DOCK8: variants seen among roughly 807,000 people sequenced by gnomAD.
The protein encoded by DOCK8 is dedicator of cytokinesis 8, also known as dedicator of cytokinesis protein 8.
A neutral mutation model predicts 245.6 loss-of-function variants in DOCK8; 141 were observed. That is an observed-to-expected ratio of 0.57 (90% CI 0.50 to 0.66). The LOEUF (loss-of-function observed/expected upper bound fraction) is 0.66. DOCK8 is among the 30% of genes least tolerant of loss of function. The pLI is 0.00. For synonymous variants in DOCK8, 1,168 were observed against 970.2 expected (o/e 1.20, Z -3.79); for missense variants, 2,965 against 2,603.4 (o/e 1.14, Z -3.02).
chr9:328,041 G>A lies in DOCK8; in HGVS notation c.914G>A (p.Cys305Tyr), dbSNP rs778114411. 7.4e-6 allele frequency: 12 copies of A among 1,614,020 alleles called. No individual in the cohort carries two copies. Among genetic ancestry groups the A allele is most frequent in the Non-Finnish European group, 8.5e-6 (10 of 1,180,008 alleles). The change falls in exon 9 of 48, where the codon TGT (cysteine) becomes TAT (tyrosine). Residue 305 changes from cysteine (C) to tyrosine (Y), a missense_variant. Cys to Tyr is a radical substitution (Grantham distance 194, BLOSUM62 -2). Coordinates refer to ENST00000432829, the MANE Select transcript of DOCK8 (RefSeq NM_203447.4). ...ERKKISENFH[C>Y]DLNSDQFKGF... ...TTACAGATCTCAGAAAATTTTCACT[G>A]TGACCTGAACTCTGACCAGTTCAAA...
intron 2 of DOCK8, among the ~76,000 whole-genome samples, chr9:278,651 A>G (rs1220495566): frequency 1.3e-5 from 2 of 152,264 alleles, no homozygotes; most frequent in East Asian, 1.9e-4. Context: ...CTTGGGCAGA[A>G]TTCTGAATGA....
chr9:416,076 T>C (rs1272160531), intron 29 of DOCK8, among the ~76,000 whole-genome samples: 5 of 152,236 alleles, frequency 3.3e-5, no homozygotes, highest in Non-Finnish European at 7.4e-5. Flanking sequence ...AGCAAACTGC[T>C]AATGGAGTAA....
chr9:281,311 G>A (rs563412175), intron 2 of DOCK8, among the ~76,000 whole-genome samples: 8 of 152,028 alleles, frequency 5.3e-5, no homozygotes, highest in Non-Finnish European at 8.8e-5. Context: ...TACATATAAC[G>A]AATGATATGC....
At chr9:383,471 G>A (rs995178450) in intron 22 of DOCK8, among the ~76,000 whole-genome samples, 1 of 152,180 alleles carries the variant, frequency 6.6e-6, no homozygotes, top group Non-Finnish European at 1.5e-5. Flanking sequence ...GGCAGAGGTT[G>A]CAGTGAGCCA....
At chr9:447,653 A>G in intron 44 of DOCK8, among the ~76,000 whole-genome samples, 1 of 152,206 alleles carries the variant, frequency 6.6e-6, no homozygotes, top group East Asian at 1.9e-4. Flanking sequence ...CCCATGGTTC[A>G]TCAGTTTCTC....
Position 271,612 on chromosome 9 carries a change from C to G in DOCK8, c.54-15C>G, listed in dbSNP as rs1428271285. The G allele has an allele frequency of 1.3e-6, 2 of 1,496,514 alleles. No individual in the cohort carries two copies. Among genetic ancestry groups the G allele is most frequent in the Non-Finnish European group, 1.8e-6 (2 of 1,098,804 alleles). The allele number at this position is 1,496,514 out of a possible 1,614,324, so 92.7% of individuals were successfully genotyped here. A position where few individuals can be genotyped will look rare whatever the true frequency, so the allele number is the denominator to read the frequency against. On this transcript the variant is annotated splice_polypyrimidine_tract_variant and intron_variant, in intron 1 of 47. Transcript: ENST00000432829. The stretch of plus-strand genomic sequence containing the variant: ...AAATAATCATTTCATTTAGATTTTT[C>G]TATTTTAATCCAAGGTATTCTTCAG...
intron 5 of DOCK8, among the ~76,000 whole-genome samples, chr9:307,000 G>A (rs115310446): frequency 0.014 from 2,180 of 152,264 alleles, 62 homozygotes; most frequent in African/African-American, 0.051. Context: ...CTTCAAGGAG[G>A]TAAGATAAGG....
chr9:336,845 T>G, intron 12 of DOCK8, 127 bp downstream of exon 12: 1 of 1,133,430 alleles, frequency 8.8e-7, no homozygotes, highest in Non-Finnish European at 1.3e-6. Flanking sequence ...TAGTTCATTT[T>G]CTGCTGCTTA....
chr9:339,319 C>T (rs1219239238), intron 13 of DOCK8, among the ~76,000 whole-genome samples: 2 of 152,108 alleles, frequency 1.3e-5, no homozygotes, highest in Non-Finnish European at 2.9e-5. Flanking sequence ...AAACCTTGTG[C>T]TTTAGATCTG....
chr9:420,177 C>T, intron 30 of DOCK8: 1 of 595,266 alleles, frequency 1.7e-6, no homozygotes, highest in Non-Finnish European at 3.0e-6. Flanking sequence ...AAATACTGCC[C>T]CAGGTGAGCC....
intron 14 of DOCK8, among the ~76,000 whole-genome samples, chr9:358,297 C>T (rs1047596822): frequency 1.3e-5 from 2 of 152,086 alleles, no homozygotes; most frequent in Non-Finnish European, 1.5e-5. Flanking sequence ...CTATGTTCCC[C>T]AGGCTAGGCT....
chr9:369,916 C>T, intron 15 of DOCK8: 3 of 368,390 alleles, frequency 8.1e-6, no homozygotes, highest in East Asian at 6.2e-5. Flanking sequence ...ATCCTCTTGC[C>T]TCCGCCCCCT....
chr9:403,966 ATATATATATGTGTATATATATATATGTG>A (rs2055284476), intron 26 of DOCK8, among the ~76,000 whole-genome samples: 2 of 72,736 alleles, frequency 2.7e-5, no homozygotes, highest in African/African-American at 1.0e-4. Flanking sequence ...ATATGTATAT[ATATATATATGTGTATATATATATATGTG>A]TATATATATA....
chr9:375,643 C>T (rs1206336032), intron 18 of DOCK8, among the ~76,000 whole-genome samples: 1 of 152,134 alleles, frequency 6.6e-6, no homozygotes, highest in Non-Finnish European at 1.5e-5. Flanking sequence ...GCCCTCTTCT[C>T]ACAGCATGAG....
intron 1 of DOCK8, among the ~76,000 whole-genome samples, chr9:266,267 TATTAA>T (rs1395302240): frequency 6.6e-6 from 1 of 152,158 alleles, no homozygotes; most frequent in Non-Finnish European, 1.5e-5. Flanking sequence ...ATATTGTAAG[TATTAA>T]ATTATTCATC....
chr9:259,695 C>A (rs928811316), intron 1 of DOCK8, among the ~76,000 whole-genome samples: 4 of 152,212 alleles, frequency 2.6e-5, no homozygotes, highest in Non-Finnish European at 5.9e-5. Context: ...AATGAGTCGA[C>A]CTTCTGCAAT....
intron 14 of DOCK8, among the ~76,000 whole-genome samples, chr9:341,890 G>T (rs1253301644): frequency 6.6e-6 from 1 of 152,146 alleles, no homozygotes; most frequent in African/African-American, 2.4e-5. Flanking sequence ...TCTCATGGGA[G>T]CATGAATCCT....
intron 2 of DOCK8, chr9:284,684 A>C (rs2048736470): frequency 6.6e-6 from 1 of 152,224 alleles, no homozygotes; most frequent in African/African-American, 2.4e-5. Context: ...AAAGACATGG[A>C]ATCAACTTAA....
At chr9:215,087 G>T (rs1393949490) in intron 1 of DOCK8, 58 bp downstream of exon 1, 4 of 1,522,592 alleles carry the variant, frequency 2.6e-6, no homozygotes, top group African/African-American at 1.4e-5. Flanking sequence ...CTGGTGTGAA[G>T]CGGAGCTTCG....
Sources: gnomAD v4.1 joint callset for allele counts (sites outside exome capture counted in the v4.1 genomes callset) on GRCh38, gnomAD v4.1.1 for gene constraint, MANE v1.5 for transcripts, NCBI Gene and HGNC (gene_info 2026-07-23, HGNC 2026-07-21) for gene names.